Variants in ENTREP1 observed in about 807,000 individuals in gnomAD.
The protein encoded by ENTREP1 is Friedreich ataxia region gene X123.
the ENTREP1 span, among the ~76,000 whole-genome samples, chr9:69,330,087 A>G: frequency 1.7e-3 from 233 of 137,248 alleles, no homozygotes; most frequent in Middle Eastern, 7.8e-3. Flanking sequence ...GGAGTTAACT[A>G]GGTTCCACTG....
At chr9:69,386,418 C>T in the ENTREP1 span, 1 of 135,682 alleles carries the variant, frequency 7.4e-6, no homozygotes, top group South Asian at 2.7e-4. Context: ...GAATGAAGTA[C>T]ACGCACCCAC....
chr9:69,344,870 G>A, the ENTREP1 span, among the ~76,000 whole-genome samples: 6 of 152,138 alleles, frequency 3.9e-5, no homozygotes, highest in East Asian at 1.9e-4. Flanking sequence ...CCTGAGCCTC[G>A]TTCTTGTGGA....
At chr9:69,373,760 A>G in the ENTREP1 span, among the ~76,000 whole-genome samples, 1 of 152,064 alleles carries the variant, frequency 6.6e-6, no homozygotes, top group Non-Finnish European at 1.5e-5. Context: ...TGCTTATCTC[A>G]TTTATTATTA....
chr9:69,364,854 A>T, the ENTREP1 span, among the ~76,000 whole-genome samples: 48,311 of 152,038 alleles, frequency 0.32, 8,993 homozygotes, highest in Admixed American at 0.4. Flanking sequence ...GTACAAATGA[A>T]ACCCCAGGCC....
the ENTREP1 span, chr9:69,387,481 T>C: frequency 5.3e-6 from 1 of 187,562 alleles, no homozygotes; most frequent in Non-Finnish European, 1.1e-5. Flanking sequence ...TGCTGGTCTT[T>C]ACACCCTTGC....
At chr9:69,358,724 A>C in the ENTREP1 span, among the ~76,000 whole-genome samples, 1 of 152,322 alleles carries the variant, frequency 6.6e-6, no homozygotes, top group East Asian at 1.9e-4. Flanking sequence ...TGAACTGCTC[A>C]TATTTAAATA....
chr9:69,329,466 T>G, the ENTREP1 span: 1 of 983,396 alleles, frequency 1.0e-6, no homozygotes, highest in Non-Finnish European at 1.2e-6. Flanking sequence ...TTTATCTATT[T>G]TAAAAAACAC....
chr9:69,349,908 T>C, the ENTREP1 span, among the ~76,000 whole-genome samples: 1 of 152,342 alleles, frequency 6.6e-6, no homozygotes, highest in South Asian at 2.1e-4. Context: ...GTATTTGAAG[T>C]ACAGTTTCTA....
chr9:69,373,879 T>C, the ENTREP1 span, among the ~76,000 whole-genome samples: 2 of 152,230 alleles, frequency 1.3e-5, no homozygotes, highest in African/African-American at 4.8e-5. Flanking sequence ...TTGACCAATG[T>C]ATACATTCAT....
the ENTREP1 span, among the ~76,000 whole-genome samples, chr9:69,356,790 A>G: frequency 6.6e-6 from 1 of 152,184 alleles, no homozygotes; most frequent in Non-Finnish European, 1.5e-5. Flanking sequence ...CATGTGTCAC[A>G]TGATCCACTG....
the ENTREP1 span, among the ~76,000 whole-genome samples, chr9:69,350,679 C>G: frequency 2.0e-5 from 3 of 152,306 alleles, no homozygotes; most frequent in South Asian, 2.1e-4. Flanking sequence ...ACAGCTCTCT[C>G]AGGGTTTGAA....
the ENTREP1 span, among the ~76,000 whole-genome samples, chr9:69,378,497 G>A: frequency 6.6e-6 from 1 of 152,014 alleles, no homozygotes; most frequent in Non-Finnish European, 1.5e-5. Flanking sequence ...GCGCGGCGTG[G>A]TGGCTCACAC....
chr9:69,348,949 T>C, the ENTREP1 span, among the ~76,000 whole-genome samples: 43 of 152,156 alleles, frequency 2.8e-4, no homozygotes, highest in African/African-American at 8.2e-4. Flanking sequence ...TTTGGGAGGC[T>C]GAGGCGGGTG....
At chr9:69,389,753 C>T in the ENTREP1 span, among the ~76,000 whole-genome samples, 1 of 152,206 alleles carries the variant, frequency 6.6e-6, no homozygotes, top group South Asian at 2.1e-4. Context: ...GGACCTTCTG[C>T]AAAGTCTTGC....
At chr9:69,366,384 G>T in the ENTREP1 span, among the ~76,000 whole-genome samples, 5 of 122,992 alleles carry the variant, frequency 4.1e-5, no homozygotes, top group Admixed American at 8.7e-5. Flanking sequence ...TTCCAACTGG[G>T]GTTTTTTTTT....
chr9:69,388,279 A>G, the ENTREP1 span: 1 of 1,614,180 alleles, frequency 6.2e-7, no homozygotes, highest in South Asian at 1.1e-5. Context: ...GGTCTTTGAT[A>G]GATTACAAAT....
the ENTREP1 span, chr9:69,385,763 CTTTTT>C: frequency 6.8e-3 from 8,369 of 1,230,866 alleles, no homozygotes; most frequent in East Asian, 0.016. Flanking sequence ...TGTTTCGCCT[CTTTTT>C]TTTTTTTTTT....
chr9:69,341,035 T>TA, the ENTREP1 span, among the ~76,000 whole-genome samples: 1 of 152,174 alleles, frequency 6.6e-6, no homozygotes, highest in African/African-American at 2.4e-5. Flanking sequence ...AATAAGATTT[T>TA]AAAAAAATTT....
the ENTREP1 span, among the ~76,000 whole-genome samples, chr9:69,330,072 G>A: frequency 8.4e-4 from 106 of 126,846 alleles, no homozygotes; most frequent in Non-Finnish European, 1.5e-3. Context: ...TTCCACTGGG[G>A]TATGGGAGTT....
Sources: gnomAD v4.1 joint callset for allele counts (sites outside exome capture counted in the v4.1 genomes callset) on GRCh38, gnomAD v4.1.1 for gene constraint, MANE v1.5 for transcripts, NCBI Gene and HGNC (gene_info 2026-07-23, HGNC 2026-07-21) for gene names.